DCAF8: variants seen among roughly 807,000 people sequenced by gnomAD.
DCAF8 encodes the protein DDB1 and CUL4 associated factor 8.
DCAF8 carries 20 observed loss-of-function variants against 68.0 expected under a neutral mutation model. The ratio of observed to expected loss-of-function variants is 0.29; its 90% confidence interval spans 0.21 to 0.43. DCAF8 has a LOEUF of 0.43. DCAF8 is among the 20% of genes least tolerant of loss of function. The probability of loss-of-function intolerance (pLI) is 1.00; values close to 1 mark genes in which losing one functional copy is unlikely to be tolerated. For missense variants in DCAF8, 460 were observed against 771.0 expected (o/e 0.60, Z 4.78); for synonymous variants, 230 against 276.9 (o/e 0.83, Z 1.68).
At chr1:160,249,091 G>C (rs1034238555) in intron 2 of DCAF8, among the ~76,000 whole-genome samples, 1 of 151,976 alleles carries the variant, frequency 6.6e-6, no homozygotes, top group African/African-American at 2.4e-5. Flanking sequence ...TGGAGAGGCT[G>C]AGACAGGAGA....
intron 5 of DCAF8, among the ~76,000 whole-genome samples, chr1:160,238,374 C>T (rs1655964712): frequency 1.3e-5 from 2 of 152,182 alleles, no homozygotes; most frequent in African/African-American, 4.8e-5. Flanking sequence ...TAGGGCTTAG[C>T]TTAGGGGCCA....
chr1:160,255,863 G>A (rs1196181100), intron 2 of DCAF8, among the ~76,000 whole-genome samples: 2 of 151,632 alleles, frequency 1.3e-5, no homozygotes, highest in East Asian at 1.9e-4. Flanking sequence ...CAGGTGATCC[G>A]CCCGTCTCAG....
intron 2 of DCAF8, among the ~76,000 whole-genome samples, chr1:160,249,145 C>T (rs549590669): frequency 5.5e-4 from 84 of 152,088 alleles, no homozygotes; most frequent in Non-Finnish European, 1.1e-3. Flanking sequence ...GAGCTGAGAT[C>T]GCACCACTGC....
chr1:160,259,400 G>A (rs542513663), intron 2 of DCAF8, among the ~76,000 whole-genome samples: 1 of 152,128 alleles, frequency 6.6e-6, no homozygotes, highest in Non-Finnish European at 1.5e-5. Flanking sequence ...GGGCATGGTG[G>A]CGCATGCCTG....
At chr1:160,227,232 T>C (rs781449505) in intron 7 of DCAF8, among the ~76,000 whole-genome samples, 8 of 152,158 alleles carry the variant, frequency 5.3e-5, no homozygotes, top group Admixed American at 1.3e-4. Context: ...TGAGGAGTGG[T>C]TGGACATCAA....
At chr1:160,218,816 G>A (rs778274142) in intron 12 of DCAF8, 33 bp downstream of exon 12, 2 of 1,613,164 alleles carry the variant, frequency 1.2e-6, no homozygotes, top group Non-Finnish European at 8.5e-7. Flanking sequence ...TGGATAAGCA[G>A]AAAGAAAATA....
intron 6 of DCAF8, among the ~76,000 whole-genome samples, chr1:160,236,329 T>C (rs1655882549): frequency 6.6e-6 from 1 of 151,904 alleles, no homozygotes. Context: ...TGTATATAAA[T>C]ACATATGTGT....
chr1:160,224,669 C>A (rs1655890666), intron 9 of DCAF8, 120 bp from the exon 10 acceptor site: 1 of 738,282 alleles, frequency 1.4e-6, no homozygotes, highest in African/African-American at 1.7e-5. Context: ...AGGTGTAGCA[C>A]CCATCTTATT....
chr1:160,249,323 T>C (rs1035439070), intron 2 of DCAF8, among the ~76,000 whole-genome samples: 2 of 152,204 alleles, frequency 1.3e-5, no homozygotes, highest in Non-Finnish European at 2.9e-5. Flanking sequence ...TCAAAAATTG[T>C]TTAAATAACA....
intron 11 of DCAF8, chr1:160,219,737 A>G (rs878924084): frequency 6.6e-6 from 1 of 152,196 alleles, no homozygotes; most frequent in Admixed American, 6.5e-5. Flanking sequence ...TAGCTTAGGC[A>G]GCTTCCTTCT....
At chr1:160,220,688 G>A (rs1655265523) in intron 11 of DCAF8, 1 of 152,244 alleles carries the variant, frequency 6.6e-6, no homozygotes, top group Non-Finnish European at 1.5e-5. Flanking sequence ...CCCAACCCTT[G>A]TCCCTGTGAA....
chr1:160,248,590 G>A (rs1656453684), intron 2 of DCAF8, among the ~76,000 whole-genome samples: 1 of 151,640 alleles, frequency 6.6e-6, no homozygotes, highest in South Asian at 2.1e-4. Context: ...AAAAAATTAG[G>A]CAGGCATGAT....
intron 2 of DCAF8, among the ~76,000 whole-genome samples, chr1:160,255,964 T>C (rs902823202): frequency 6.6e-5 from 10 of 150,688 alleles, no homozygotes; most frequent in African/African-American, 1.7e-4. Flanking sequence ...ATGTCAGGAA[T>C]GCACTCTAAC....
intron 10 of DCAF8, among the ~76,000 whole-genome samples, chr1:160,223,648 A>C (rs1042166661): frequency 2.0e-5 from 3 of 152,242 alleles, no homozygotes; most frequent in African/African-American, 7.2e-5. Context: ...GCTCATGCCC[A>C]GCACTTTGGG....
chr1:160,225,782 C>T, intron 7 of DCAF8, 119 bp from the exon 8 acceptor site: 1 of 739,172 alleles, frequency 1.4e-6, no homozygotes, highest in Non-Finnish European at 2.3e-6. Flanking sequence ...ATTTTCCAAA[C>T]CAAGCTTTTG....
rs1655131636 is a variant in DCAF8 at position 160,216,711 on chromosome 1, T to C, written c.*881A>G. The C allele has an allele frequency of 1.3e-5, 2 of 152,662 alleles. No individual in the cohort carries two copies. Among genetic ancestry groups the C allele is most frequent in the African/African-American group, 2.4e-5 (1 of 41,458 alleles). The allele number at this position is 152,662 out of a possible 1,614,324, so 9.5% of individuals were successfully genotyped here. A position where few individuals can be genotyped will look rare whatever the true frequency, so the allele number is the denominator to read the frequency against. On this transcript the variant is annotated 3_prime_UTR_variant, in exon 14 of 14. Transcript: ENST00000368074. ...CAGAGAATATATAGGTATTTAAACT[T>C]TGACAATAATTTTACCTTGATACAT...
chr1:160,234,242 C>CAAA lies in DCAF8; in HGVS notation c.960-2838_960-2836dup, dbSNP rs10660397. ...TGAGCAAAAGAGTGAGACTGCACCT[C>CAAA]AAAAAAAAAAAAAAATGCCTCTGAC... On this transcript the variant is annotated intron_variant, in intron 6 of 13. Coordinates refer to ENST00000368074, the MANE Select transcript of DCAF8 (RefSeq NM_015726.4). 2.8e-3 allele frequency among the ~76,000 whole-genome samples: 387 copies of CAAA among 138,750 alleles called. 7 individuals are homozygous for CAAA. Among genetic ancestry groups the CAAA allele is most frequent in the East Asian group, 0.022 (102 of 4,672 alleles). The allele number at this position is 138,750 out of a possible 152,430, so 91.0% of individuals were successfully genotyped here.
intron 2 of DCAF8, 72 bp downstream of exon 2, chr1:160,261,212 AG>A (rs1443600941): frequency 6.6e-6 from 1 of 152,234 alleles, no homozygotes; most frequent in Admixed American, 6.5e-5. Flanking sequence ...TTATGACTTT[AG>A]TGGTCAGCAG....
At chr1:160,227,454 C>G (rs1401046049) in intron 7 of DCAF8, among the ~76,000 whole-genome samples, 2 of 152,118 alleles carry the variant, frequency 1.3e-5, no homozygotes, top group Non-Finnish European at 2.9e-5. Flanking sequence ...TTGGTGGAGA[C>G]AGCATCTGCC....
Sources: gnomAD v4.1 joint callset for allele counts (sites outside exome capture counted in the v4.1 genomes callset) on GRCh38, gnomAD v4.1.1 for gene constraint, MANE v1.5 for transcripts, NCBI Gene and HGNC (gene_info 2026-07-23, HGNC 2026-07-21) for gene names.